Variants in KCNC1 observed in about 807,000 individuals in gnomAD.
KCNC1 encodes the protein voltage-gated potassium channel KCNC1.
A neutral mutation model predicts 43.4 loss-of-function variants in KCNC1; 8 were observed. The observed-to-expected ratio is 0.18, with a 90% CI of 0.11 to 0.33. The LOEUF is 0.33. KCNC1 is among the 10% of genes least tolerant of loss of function. The pLI is 1.00. For synonymous variants in KCNC1, 361 were observed against 360.5 expected, an observed-to-expected ratio of 1.00 and a Z score of -0.01; for missense variants, 420 against 836.0, an observed-to-expected ratio of 0.50 and a Z score of 6.14.
intron 1 of KCNC1, among the ~76,000 whole-genome samples, chr11:17,751,525 G>C (rs979730240): frequency 6.6e-6 from 1 of 152,208 alleles, no homozygotes; most frequent in Non-Finnish European, 1.5e-5. Flanking sequence ...ATGGACTTCA[G>C]GGCAGTAGGC....
chr11:17,768,883 C>T (rs917609175), intron 1 of KCNC1, among the ~76,000 whole-genome samples: 5 of 152,244 alleles, frequency 3.3e-5, no homozygotes. Context: ...GGATCTGAAG[C>T]CAGATACCCA....
chr11:17,761,595 G>T (rs1849079527), intron 1 of KCNC1, among the ~76,000 whole-genome samples: 3 of 152,184 alleles, frequency 2.0e-5, no homozygotes, highest in Non-Finnish European at 4.4e-5. Context: ...ATGGTTCGTG[G>T]CCGAGCTGGG....
chr11:17,745,991 A>G (rs1848894530), intron 1 of KCNC1, among the ~76,000 whole-genome samples: 2 of 152,116 alleles, frequency 1.3e-5, no homozygotes, highest in Admixed American at 6.5e-5. Flanking sequence ...TCTTTTTCCA[A>G]TTGCTCTGTC....
Position 17,779,123 on chromosome 11 carries a change from C to T in KCNC1, c.1505-333C>T, listed in dbSNP as rs1324298384. The T allele has an allele frequency of 4.5e-6, 1 of 223,286 alleles. No homozygotes were observed. Among genetic ancestry groups the T allele is most frequent in the Non-Finnish European group, 8.8e-6 (1 of 114,156 alleles). 13.8% of individuals were successfully genotyped at this position (223,286 alleles called of 1,614,324 possible). A position where few individuals can be genotyped will look rare whatever the true frequency, so the allele number is the denominator to read the frequency against. The stretch of plus-strand genomic sequence containing the variant: ...GCTCTCCCCCATGACTGCATCCACA[C>T]CATCCTGTTTCATCGGCCCTGCTTG... On this transcript the variant is annotated intron_variant, in intron 2 of 3. Transcript: ENST00000265969. The surrounding 1 kb of genome is among the most constrained non-coding windows in gnomAD (Gnocchi z 7.2).
At position 17,736,560 on chromosome 11, in the gene KCNC1, C is replaced by T. The variant is rs1239110234; in HGVS notation, c.558C>T (p.Ser186=). ...IWALFEDPYS[S]RYARYVAFAS... is the part of the protein sequence containing the mutation. ...CGCTCTTCGAGGACCCGTACTCGTC[C>T]CGCTACGCGCGGGTAAGTGACAATT... Residue 186 remains serine, a synonymous_variant, in exon 1 of 4, where the codon TCC becomes TCT. Transcript: ENST00000265969. This position sits in a 1 kb window ranked among gnomAD's most constrained non-coding sequence, Gnocchi z 9.3. 9 of 1,543,172 alleles carry T rather than the reference C, an allele frequency of 5.8e-6. No individual in the cohort carries two copies. The highest frequency in any genetic ancestry group is 7.8e-6 in the Non-Finnish European group (9 of 1,155,636).
At chr11:17,767,246 C>T (rs1279668890) in intron 1 of KCNC1, among the ~76,000 whole-genome samples, 2 of 146,972 alleles carry the variant, frequency 1.4e-5, no homozygotes, top group Non-Finnish European at 3.0e-5. Context: ...GATCACGCCA[C>T]TGCACTGCAG....
rs1252414876 is a variant in KCNC1 at position 17,782,026 on chromosome 11, A to G, written c.*292A>G. The stretch of plus-strand genomic sequence containing the variant: ...TGAAGTTAAACAGAAAACCCAGCAA[A>G]CCAAACCCACCAACCCCCTGCAACT... On this transcript the variant is annotated 3_prime_UTR_variant, in exon 4 of 4. Transcript: ENST00000265969. 1 of 381,688 alleles carries G rather than the reference A, an allele frequency of 2.6e-6. No homozygotes were observed. Among genetic ancestry groups the G allele is most frequent in the Non-Finnish European group, 4.7e-6 (1 of 214,774 alleles). 23.6% of individuals were successfully genotyped at this position (381,688 alleles called of 1,614,324 possible). A position where few individuals can be genotyped will look rare whatever the true frequency, so the allele number is the denominator to read the frequency against.
chr11:17,759,156 A>G (rs1849050796), intron 1 of KCNC1, among the ~76,000 whole-genome samples: 1 of 152,216 alleles, frequency 6.6e-6, no homozygotes, highest in South Asian at 2.1e-4. Flanking sequence ...TTCTCCTTGC[A>G]CTTTTATGTT....
intron 1 of KCNC1, among the ~76,000 whole-genome samples, chr11:17,753,424 C>T (rs1016322996): frequency 6.6e-6 from 1 of 152,252 alleles, no homozygotes; most frequent in East Asian, 1.9e-4. Context: ...AGGAATCATG[C>T]AGTCACACAT....
At chr11:17,743,201 G>A (rs1267670184) in intron 1 of KCNC1, among the ~76,000 whole-genome samples, 2 of 152,048 alleles carry the variant, frequency 1.3e-5, no homozygotes, top group Non-Finnish European at 2.9e-5. Flanking sequence ...ATGAAGTTAA[G>A]TAACTTACCC....
At chr11:17,751,880 CTTCCTCCT>C (rs1848973140) in intron 1 of KCNC1, among the ~76,000 whole-genome samples, 1 of 152,206 alleles carries the variant, frequency 6.6e-6, no homozygotes, top group Non-Finnish European at 1.5e-5. Context: ...GGAGGTCTCT[CTTCCTCCT>C]CAGGTCCCCA....
At chr11:17,738,355 T>C (rs1590089985) in intron 1 of KCNC1, among the ~76,000 whole-genome samples, 1 of 150,734 alleles carries the variant, frequency 6.6e-6, no homozygotes, top group African/African-American at 2.4e-5. Flanking sequence ...GGATGGGAGG[T>C]TGAACTAGTG....
At chr11:17,752,455 C>G (rs560912380) in intron 1 of KCNC1, among the ~76,000 whole-genome samples, 1 of 152,228 alleles carries the variant, frequency 6.6e-6, no homozygotes. Flanking sequence ...AACAAGGGAA[C>G]GTCTTCCCAT....
rs995141781 is a variant in KCNC1 at position 17,742,115 on chromosome 11, C to T, written c.570+5543C>T. 5.9e-5 allele frequency among the ~76,000 whole-genome samples: 9 copies of T among 152,232 alleles called. No individual in the cohort carries two copies. The highest frequency in any genetic ancestry group is 1.9e-4 in the African/African-American group (8 of 41,462). On this transcript the variant is annotated intron_variant, in intron 1 of 3. Coordinates refer to ENST00000265969, the MANE Select transcript of KCNC1 (RefSeq NM_001112741.2). This position sits in a 1 kb window ranked among gnomAD's most constrained non-coding sequence, Gnocchi z 4.2. ...GGAAGTTGAGGCCCAGAGAGGAGTG[C>T]TCTACCTGAGGCCCCTCGTGAGCGG...
At chr11:17,757,099 T>C (rs1849031370) in intron 1 of KCNC1, among the ~76,000 whole-genome samples, 1 of 152,242 alleles carries the variant, frequency 6.6e-6, no homozygotes, top group African/African-American at 2.4e-5. Flanking sequence ...TGACCTCTGG[T>C]GAGCATGCTA....
chr11:17,771,631 G>A lies in KCNC1; in HGVS notation c.571-34G>A. On this transcript the variant is annotated intron_variant, in intron 1 of 3. Coordinates refer to ENST00000265969, the MANE Select transcript of KCNC1 (RefSeq NM_001112741.2). The surrounding 1 kb of genome is among the most constrained non-coding windows in gnomAD (Gnocchi z 4.7). ...ACCCAGGCTTCTCCACTCTGGGTGG[G>A]CCTCCCTCTGACACTGTGTCTTTAT... The A allele has an allele frequency of 6.4e-7, 1 of 1,565,810 alleles. No homozygotes were observed. The highest frequency in any genetic ancestry group is 1.8e-4 in the Middle Eastern group (1 of 5,422).
At chr11:17,775,268 G>C (rs1435483801) in intron 2 of KCNC1, 3 of 985,350 alleles carry the variant, frequency 3.0e-6, no homozygotes, top group Admixed American at 6.1e-5. Flanking sequence ...TGGCACGCTG[G>C]GTTCTGAGGG....
intron 1 of KCNC1, among the ~76,000 whole-genome samples, chr11:17,750,873 A>C (rs188407077): frequency 6.6e-6 from 1 of 151,852 alleles, no homozygotes; most frequent in African/African-American, 2.4e-5. Flanking sequence ...CTTCCAGAAA[A>C]CCTTTCCTGT....
At chr11:17,763,837 A>G (rs1849111253) in intron 1 of KCNC1, among the ~76,000 whole-genome samples, 1 of 135,328 alleles carries the variant, frequency 7.4e-6, no homozygotes, top group Non-Finnish European at 1.6e-5. Context: ...ACATGCTTAT[A>G]TACACATCCA....
Sources: gnomAD v4.1 joint callset for allele counts (sites outside exome capture counted in the v4.1 genomes callset) on GRCh38, gnomAD v4.1.1 for gene constraint, Gnocchi (gnomAD v3.1) non-coding constraint, MANE v1.5 for transcripts, NCBI Gene and HGNC (gene_info 2026-07-23, HGNC 2026-07-21) for gene names.